TRPC7: variants seen among roughly 807,000 people sequenced by gnomAD.
TRPC7 encodes the protein short transient receptor potential channel 7.
A neutral mutation model predicts 90.1 loss-of-function variants in TRPC7; 42 were observed. That is an observed-to-expected ratio of 0.47 (90% CI 0.36 to 0.60). The LOEUF is 0.60. Ranked by LOEUF, TRPC7 falls within the 20% of genes least tolerant of loss-of-function variation. TRPC7 has a pLI of 0.00. For synonymous variants in TRPC7, 451 were observed against 436.3 expected, an observed-to-expected ratio of 1.03 and a Z score of -0.42; for missense variants, 955 against 1,112.3, an observed-to-expected ratio of 0.86 and a Z score of 2.01.
chr5:136,343,432 A>G (rs925244313), intron 2 of TRPC7, among the ~76,000 whole-genome samples: 1 of 152,190 alleles, frequency 6.6e-6, no homozygotes, highest in Non-Finnish European at 1.5e-5. Flanking sequence ...AGAAAATAGG[A>G]AATAAGATCC....
chr5:136,260,307 G>GTTA (rs1756815340), intron 5 of TRPC7, among the ~76,000 whole-genome samples: 1 of 152,186 alleles, frequency 6.6e-6, no homozygotes, highest in African/African-American at 2.4e-5. Flanking sequence ...ATTGTCAGAG[G>GTTA]CGTTAATGGT....
chr5:136,356,888 G>A lies in TRPC7; in HGVS notation c.500C>T (p.Pro167Leu). The A allele has an allele frequency of 6.2e-7, 1 of 1,613,928 alleles. No homozygotes were observed. Among genetic ancestry groups the A allele is most frequent in the Non-Finnish European group, 8.5e-7 (1 of 1,179,968 alleles). The change falls in exon 2 of 12, where the codon CCC (proline) becomes CTC (leucine). Residue 167 changes from proline to leucine, a missense_variant. Transcript: ENST00000513104. Reference protein sequence around the residue: ...DGTRFSHDITPIILAAHCQEY... With the variant: ...DGTRFSHDITLIILAAHCQEY... ...CTGGCAGTGCGCCGCCAGGATGATG[G>A]GCGTGATGTCGTGGGAGAAGCGCGT...
intron 3 of TRPC7, among the ~76,000 whole-genome samples, chr5:136,306,017 A>C (rs538073924): frequency 3.6e-4 from 55 of 152,206 alleles, no homozygotes; most frequent in African/African-American, 1.0e-3. Flanking sequence ...ACTGTGCCCC[A>C]AAAAAACTTG....
chr5:136,269,596 C>G (rs1378689722), intron 4 of TRPC7, among the ~76,000 whole-genome samples: 1 of 152,214 alleles, frequency 6.6e-6, no homozygotes, highest in African/African-American at 2.4e-5. Context: ...ATGCCACTCT[C>G]GCTTTCCACT....
At chr5:136,284,638 T>G (rs1287387611) in intron 3 of TRPC7, among the ~76,000 whole-genome samples, 1 of 152,152 alleles carries the variant, frequency 6.6e-6, no homozygotes. Context: ...GCAAGTTCAG[T>G]GTAGCTCCGA....
At chr5:136,280,547 C>A (rs1449898534) in intron 3 of TRPC7, among the ~76,000 whole-genome samples, 3 of 152,166 alleles carry the variant, frequency 2.0e-5, no homozygotes, top group Admixed American at 6.5e-5. Context: ...TCCTGTTACT[C>A]AGGGCCTGAT....
At chr5:136,301,345 T>TA (rs1758376192) in intron 3 of TRPC7, among the ~76,000 whole-genome samples, 1 of 120,992 alleles carries the variant, frequency 8.3e-6, no homozygotes, top group Non-Finnish European at 1.8e-5. Context: ...TTTTTTTTTT[T>TA]TTTTTTTTTT....
chr5:136,325,177 C>T (rs1261827758), intron 2 of TRPC7, among the ~76,000 whole-genome samples: 2 of 152,118 alleles, frequency 1.3e-5, no homozygotes, highest in African/African-American at 4.8e-5. Flanking sequence ...ATTATTATCC[C>T]TAAATAAGAA....
At chr5:136,315,460 G>C (rs1758981874) in intron 3 of TRPC7, 137 bp downstream of exon 3, 2 of 918,632 alleles carry the variant, frequency 2.2e-6, no homozygotes, top group South Asian at 1.8e-5. Context: ...CTGACAGCTA[G>C]CTCCCTGTCT....
rs1341572603 is a variant in TRPC7, at chr5:136,357,316, C to T, written c.72G>A (p.Gln24=). Residue 24 remains glutamine (Q), a synonymous_variant, in exon 2 of 12, where the codon CAG becomes CAA. Coordinates refer to ENST00000513104, the MANE Select transcript of TRPC7 (RefSeq NM_020389.3). ...HTTLREKGRR[Q]AIRGPAYMFN... ...ACATGTAGGCGGGACCCCGGATGGCCTGGCGACGGCCCTTCTCCCTCAGCG... is the reference window on the plus strand; with the variant it reads ...ACATGTAGGCGGGACCCCGGATGGCTTGGCGACGGCCCTTCTCCCTCAGCG... 1.2e-6 allele frequency: 2 copies of T among 1,608,536 alleles called. No homozygotes were observed. The highest frequency in any genetic ancestry group is 1.1e-5 in the South Asian group (1 of 91,080).
chr5:136,274,531 CT>C (rs1757300293), intron 4 of TRPC7, 141 bp downstream of exon 4: 9 of 916,754 alleles, frequency 9.8e-6, no homozygotes, highest in Non-Finnish European at 1.3e-5. Context: ...ATGTGGTTTC[CT>C]ACTTTCACCG....
chr5:136,350,609 A>G (rs151255503), intron 2 of TRPC7, among the ~76,000 whole-genome samples: 164 of 152,376 alleles, frequency 1.1e-3, no homozygotes, highest in African/African-American at 3.8e-3. Flanking sequence ...AAAAATAGAA[A>G]AAAACAAAGC....
At chr5:136,230,273 A>G (rs1279594064) in intron 8 of TRPC7, among the ~76,000 whole-genome samples, 1 of 152,224 alleles carries the variant, frequency 6.6e-6, no homozygotes, top group African/African-American at 2.4e-5. Flanking sequence ...GTAAAGCAAC[A>G]ACATGATTTA....
At chr5:136,236,675 G>A (rs893289566) in intron 7 of TRPC7, among the ~76,000 whole-genome samples, 1 of 152,178 alleles carries the variant, frequency 6.6e-6, no homozygotes, top group African/African-American at 2.4e-5. Context: ...TCTCCACCAG[G>A]TCTGTCTCGG....
intron 3 of TRPC7, among the ~76,000 whole-genome samples, chr5:136,275,224 G>C (rs542832692): frequency 1.7e-4 from 26 of 152,292 alleles, no homozygotes; most frequent in African/African-American, 6.3e-4. Context: ...AATGGATGGA[G>C]CATGAATGGG....
chr5:136,292,580 C>T (rs999086924), intron 3 of TRPC7, among the ~76,000 whole-genome samples: 1 of 152,154 alleles, frequency 6.6e-6, no homozygotes, highest in Non-Finnish European at 1.5e-5. Flanking sequence ...TACACCCTCC[C>T]AAGACTAAAC....
intron 3 of TRPC7, among the ~76,000 whole-genome samples, chr5:136,300,442 C>T (rs567202538): frequency 7.9e-5 from 12 of 152,322 alleles, no homozygotes; most frequent in African/African-American, 2.4e-4. Context: ...CCTGACTGTA[C>T]AGGGCCACAC....
rs567340922 is a variant in TRPC7 at position 136,288,695 on chromosome 5, G to GT, written c.964-13859dup. On this transcript the variant is annotated intron_variant, in intron 3 of 11. Coordinates refer to ENST00000513104, the MANE Select transcript of TRPC7 (RefSeq NM_020389.3). ...TTGCTCACATCATGCTGAAAGGTCT[G>GT]TTTTTAACACACAGCCTTTGCTTGT... Among the ~76,000 whole-genome samples, 208 of 152,308 alleles carry GT rather than the reference G, an allele frequency of 1.4e-3. 1 individual carries two copies. Among genetic ancestry groups the GT allele is most frequent in the African/African-American group, 4.9e-3 (203 of 41,564 alleles).
chr5:136,287,097 C>T (rs775978091), intron 3 of TRPC7, among the ~76,000 whole-genome samples: 13 of 152,192 alleles, frequency 8.5e-5, no homozygotes, highest in East Asian at 3.9e-4. Context: ...CATGAACGCT[C>T]GCCTCGCTGG....
Sources: allele counts gnomAD v4.1 joint callset (sites outside exome capture counted in the v4.1 genomes callset), GRCh38; gene constraint gnomAD v4.1.1; transcripts MANE v1.5; gene names NCBI Gene and HGNC (gene_info 2026-07-23, HGNC 2026-07-21).